TPP2: variants seen among roughly 807,000 people sequenced by gnomAD.
TPP2 encodes the protein tripeptidyl-peptidase 2.
A neutral mutation model predicts 155.9 loss-of-function variants in TPP2; 34 were observed. The ratio of observed to expected loss-of-function variants is 0.22; its 90% CI spans 0.17 to 0.29. The LOEUF is 0.29. Ranked by LOEUF, TPP2 falls within the 10% of genes least tolerant of loss-of-function variation. TPP2 has a pLI of 1.00. For synonymous variants in TPP2, 510 were observed against 529.4 expected, an observed-to-expected ratio of 0.96 and a Z score of 0.50; for missense variants, 1,028 against 1,522.3, an observed-to-expected ratio of 0.68 and a Z score of 5.40.
chr13:102,605,508 G>A (rs1386885537), intron 2 of TPP2, among the ~76,000 whole-genome samples: 3 of 152,118 alleles, frequency 2.0e-5, no homozygotes, highest in African/African-American at 7.2e-5. Flanking sequence ...TGTTTGATGA[G>A]GTAATTAGAA....
At chr13:102,646,460 A>G in intron 20 of TPP2, 70 bp downstream of exon 20, 1 of 1,243,794 alleles carries the variant, frequency 8.0e-7, no homozygotes, top group Non-Finnish European at 1.1e-6. Context: ...TCATAGAATC[A>G]AAAATGGAAG....
chr13:102,625,653 T>C (rs1300892239), intron 6 of TPP2, among the ~76,000 whole-genome samples: 3 of 152,116 alleles, frequency 2.0e-5, no homozygotes, highest in Non-Finnish European at 4.4e-5. Context: ...CTCTCCCAAT[T>C]TTATCTGGGG....
intron 1 of TPP2, among the ~76,000 whole-genome samples, chr13:102,603,078 A>G (rs1186378404): frequency 1.3e-5 from 2 of 152,192 alleles, no homozygotes; most frequent in African/African-American, 2.4e-5. Context: ...GTAAAAATAT[A>G]TATTGTTACT....
At chr13:102,629,098 G>T (rs1215396396) in intron 8 of TPP2, among the ~76,000 whole-genome samples, 1 of 152,124 alleles carries the variant, frequency 6.6e-6, no homozygotes, top group East Asian at 1.9e-4. Flanking sequence ...TTCCACAAAA[G>T]TTACTGGTTC....
intron 4 of TPP2, among the ~76,000 whole-genome samples, chr13:102,617,020 C>A (rs1441085234): frequency 1.3e-5 from 2 of 151,086 alleles, no homozygotes; most frequent in Admixed American, 1.3e-4. Context: ...AAGCTATTCT[C>A]GCCTCAGCCT....
intron 24 of TPP2, chr13:102,654,839 T>G: frequency 2.4e-6 from 1 of 416,390 alleles, no homozygotes; most frequent in Non-Finnish European, 4.9e-6. Context: ...CCATAAGAAC[T>G]TGGTGGTAGA....
At chr13:102,669,279 G>T (rs1884813654) in intron 27 of TPP2, among the ~76,000 whole-genome samples, 1 of 152,116 alleles carries the variant, frequency 6.6e-6, no homozygotes, top group Non-Finnish European at 1.5e-5. Flanking sequence ...ATATTTTTAA[G>T]GGTGGATTGG....
intron 2 of TPP2, among the ~76,000 whole-genome samples, chr13:102,606,356 T>C (rs1041396421): frequency 6.6e-6 from 1 of 152,204 alleles, no homozygotes; most frequent in African/African-American, 2.4e-5. Flanking sequence ...CCTGTATTTA[T>C]TATATCACTG....
At chr13:102,624,489 GCTCT>G (rs777988874) in intron 6 of TPP2, among the ~76,000 whole-genome samples, 4 of 152,074 alleles carry the variant, frequency 2.6e-5, no homozygotes, top group Admixed American at 6.5e-5. Context: ...CCAAAAGTTT[GCTCT>G]CTCTATTATC....
chr13:102,663,790 A>G (rs767927808), intron 26 of TPP2, 46 bp downstream of exon 26: 21 of 1,435,074 alleles, frequency 1.5e-5, no homozygotes, highest in Admixed American at 1.2e-4. Context: ...TTGTAATTAT[A>G]TAAGTTTGTG....
chr13:102,608,343 G>A (rs1880007152), intron 2 of TPP2, among the ~76,000 whole-genome samples: 2 of 151,966 alleles, frequency 1.3e-5, no homozygotes, highest in South Asian at 2.1e-4. Flanking sequence ...TGTGGAAGAA[G>A]AGAGTTTAAT....
chr13:102,671,743 C>T (rs1884997265), intron 27 of TPP2, among the ~76,000 whole-genome samples: 1 of 152,100 alleles, frequency 6.6e-6, no homozygotes, highest in Non-Finnish European at 1.5e-5. Context: ...GAGGACGGGG[C>T]TCAGGCAAAA....
rs1422848801 is a variant in TPP2 at position 102,678,930 on chromosome 13, G to A, written c.*614G>A. 1 of 151,740 alleles carries A rather than the reference G, an allele frequency of 6.6e-6. No homozygotes were observed. Among genetic ancestry groups the A allele is most frequent in the Non-Finnish European group, 1.5e-5 (1 of 67,988 alleles). 9.4% of individuals were successfully genotyped at this position (151,740 alleles called of 1,614,324 possible). A position where few individuals can be genotyped will look rare whatever the true frequency, so the allele number is the denominator to read the frequency against. On this transcript the variant is annotated 3_prime_UTR_variant, in exon 30 of 30. Transcript: ENST00000376052. ...TTCATCTTGGGGTAATTACAGGCAA[G>A]TCATTTTCACATCCTCTTGAGGTTC...
intron 1 of TPP2, among the ~76,000 whole-genome samples, chr13:102,602,881 C>T (rs1879534077): frequency 6.6e-6 from 1 of 151,712 alleles, no homozygotes; most frequent in African/African-American, 2.4e-5. Flanking sequence ...CTGTTTCTTT[C>T]TTGAGGATGG....
At chr13:102,627,227 G>T (rs1881687247) in intron 7 of TPP2, 61 bp downstream of exon 7, 1 of 1,458,746 alleles carries the variant, frequency 6.9e-7, no homozygotes, top group East Asian at 2.5e-5. Context: ...GATATTTTTA[G>T]GTTTATAAGT....
rs769286171 is a variant in TPP2, at chr13:102,612,644, AT to A, written c.295-1450del. 5.3e-5 allele frequency among the ~76,000 whole-genome samples: 8 copies of A among 152,138 alleles called. No individual in the cohort carries two copies. The East Asian group carries it at 1.4e-3, about 26-fold the overall frequency. On this transcript the variant is annotated intron_variant, in intron 2 of 29. Transcript: ENST00000376052. ...TAGCCCAGATTATAACTTTTATCTGATTTTTTTGGTGTAATTTTTGTAACTA... is the reference window on the plus strand; with the variant it reads ...TAGCCCAGATTATAACTTTTATCTGATTTTTTGGTGTAATTTTTGTAACTA...
Position 102,614,085 on chromosome 13 carries a change from CT to C in TPP2, c.295-7del, listed in dbSNP as rs544736600. ...GCATTTAGTGAATGAACAGGTTACT[CT>C]TTTTTTTTCTGTAGATTCCTGCAAG... is the stretch of plus-strand genomic sequence containing the variant. On this transcript the variant is annotated splice_polypyrimidine_tract_variant and intron_variant, in intron 2 of 29. Coordinates refer to ENST00000376052, the MANE Select transcript of TPP2 (RefSeq NM_001330588.2). The C allele has an allele frequency of 2.8e-5, 43 of 1,547,324 alleles. No individual in the cohort carries two copies. Among genetic ancestry groups the C allele is most frequent in the Non-Finnish European group, 3.4e-5 (38 of 1,129,774 alleles).
intron 22 of TPP2, 109 bp from the exon 23 acceptor site, chr13:102,649,299 G>T: frequency 6.9e-7 from 1 of 1,440,912 alleles, no homozygotes; most frequent in Non-Finnish European, 9.4e-7. Context: ...TGAAGTCTTA[G>T]CTATGGGAAT....
intron 29 of TPP2, among the ~76,000 whole-genome samples, 168 bp downstream of exon 29, chr13:102,676,583 CAAT>C (rs1435869751): frequency 6.6e-6 from 1 of 152,146 alleles, no homozygotes; most frequent in East Asian, 1.9e-4. Flanking sequence ...GAGAGACAGT[CAAT>C]AAGCTATTTA....
Sources: allele counts gnomAD v4.1 joint callset (sites outside exome capture counted in the v4.1 genomes callset), GRCh38; gene constraint gnomAD v4.1.1; transcripts MANE v1.5; gene names NCBI Gene and HGNC (gene_info 2026-07-23, HGNC 2026-07-21).